Variants in PRKCE observed in about 807,000 individuals in gnomAD.
PRKCE encodes the protein protein kinase C epsilon type.
In PRKCE, 16 loss-of-function variants were observed where a neutral mutation model predicts 85.4. The ratio of observed to expected loss-of-function variants is 0.19; its 90% CI spans 0.13 to 0.28. The LOEUF is 0.28. PRKCE is among the 10% of genes least tolerant of loss of function. PRKCE has a pLI of 1.00. For missense variants in PRKCE, 573 were observed against 975.2 expected, an observed-to-expected ratio of 0.59 and a Z score of 5.49; for synonymous variants, 388 against 371.5, an observed-to-expected ratio of 1.04 and a Z score of -0.51.
intron 2 of PRKCE, among the ~76,000 whole-genome samples, chr2:45,944,174 G>A (rs1040686363): frequency 2.6e-4 from 40 of 152,202 alleles, no homozygotes; most frequent in African/African-American, 9.2e-4. Flanking sequence ...CTTCGTTGGT[G>A]ACTCATTTCT....
At chr2:45,740,627 C>G (rs1682479528) in intron 1 of PRKCE, among the ~76,000 whole-genome samples, 1 of 152,200 alleles carries the variant, frequency 6.6e-6, no homozygotes, top group Non-Finnish European at 1.5e-5. Context: ...TCAGTCTTTT[C>G]CATTCCAGTT....
chr2:45,912,318 G>A (rs1697441571), intron 2 of PRKCE, among the ~76,000 whole-genome samples: 1 of 152,168 alleles, frequency 6.6e-6, no homozygotes, highest in Non-Finnish European at 1.5e-5. Context: ...AGGGCCCCAG[G>A]ATCCACATCT....
At chr2:46,009,480 A>G (rs1351453066) in intron 9 of PRKCE, among the ~76,000 whole-genome samples, 3 of 152,260 alleles carry the variant, frequency 2.0e-5, no homozygotes, top group African/African-American at 7.2e-5. Flanking sequence ...GTAACATTTC[A>G]CACCTATTAA....
intron 1 of PRKCE, among the ~76,000 whole-genome samples, chr2:45,829,931 G>A (rs1245559953): frequency 2.0e-5 from 3 of 151,612 alleles, no homozygotes; most frequent in Non-Finnish European, 4.4e-5. Flanking sequence ...AAATTAGCCG[G>A]GCGTGGTAGC....
chr2:46,151,260 C>G, intron 13 of PRKCE, 31 bp downstream of exon 13: 1 of 1,538,812 alleles, frequency 6.5e-7, no homozygotes, highest in Non-Finnish European at 8.8e-7. Context: ...CATGGCTGTG[C>G]TCTCCTGGGC....
chr2:45,926,917 G>A (rs993962360), intron 2 of PRKCE, among the ~76,000 whole-genome samples: 2 of 152,184 alleles, frequency 1.3e-5, no homozygotes, highest in Admixed American at 6.5e-5. Flanking sequence ...ATGTGTGAGT[G>A]TGGATAGGAC....
At chr2:45,755,908 T>C (rs559082255) in intron 1 of PRKCE, among the ~76,000 whole-genome samples, 1 of 152,266 alleles carries the variant, frequency 6.6e-6, no homozygotes, top group Non-Finnish European at 1.5e-5. Flanking sequence ...TGGTTGGCAC[T>C]CGGAGAATTG....
intron 1 of PRKCE, among the ~76,000 whole-genome samples, chr2:45,753,586 T>C (rs901438082): frequency 1.2e-5 from 1 of 83,038 alleles, no homozygotes; most frequent in Non-Finnish European, 3.1e-5. Context: ...CCCAGGTTGT[T>C]TGAGTTGTTG....
chr2:46,130,215 A>G (rs567473205), intron 11 of PRKCE, among the ~76,000 whole-genome samples: 1 of 152,312 alleles, frequency 6.6e-6, no homozygotes, highest in South Asian at 2.1e-4. Flanking sequence ...CACAAAGTAT[A>G]ATCTAATAAG....
intron 2 of PRKCE, among the ~76,000 whole-genome samples, chr2:45,892,879 C>T (rs113265763): frequency 6.6e-6 from 1 of 152,178 alleles, no homozygotes; most frequent in Non-Finnish European, 1.5e-5. Flanking sequence ...CAGAAATGTG[C>T]AGCAGTCAGT....
intron 1 of PRKCE, among the ~76,000 whole-genome samples, chr2:45,731,666 C>T (rs1448639653): frequency 1.4e-5 from 2 of 145,556 alleles, no homozygotes; most frequent in Non-Finnish European, 3.0e-5. Flanking sequence ...CTCTGTTGCC[C>T]AGGAAGAAGT....
intron 2 of PRKCE, among the ~76,000 whole-genome samples, chr2:45,946,136 G>T (rs1700227110): frequency 6.6e-6 from 1 of 152,254 alleles, no homozygotes; most frequent in Non-Finnish European, 1.5e-5. Context: ...GCCAGAGTTT[G>T]CAGAACCACT....
In PRKCE at chr2:45,905,923, A is replaced by G. The variant is rs1291769884; in HGVS notation, c.412+62860A>G. 1.3e-5 allele frequency among the ~76,000 whole-genome samples: 2 copies of G among 152,150 alleles called. No individual in the cohort carries two copies. Among genetic ancestry groups the G allele is most frequent in the African/African-American group, 4.8e-5 (2 of 41,434 alleles). On this transcript the variant is annotated intron_variant, in intron 2 of 14. Coordinates refer to ENST00000306156, the MANE Select transcript of PRKCE (RefSeq NM_005400.3). The surrounding 1 kb of genome is among the most constrained non-coding windows in gnomAD (Gnocchi z 4.4). ...GAGGAAGGATGTGCTTGTGCGGGGT[A>G]TGGTGTCTGCCCACATGAAGGGCCG...
chr2:46,187,141 A>C lies in PRKCE; in HGVS notation c.*2260A>C, dbSNP rs1402606155. The stretch of plus-strand genomic sequence containing the variant: ...TACTGTTCTTTCTTCTGCTTTCTTC[A>C]CCATAATAAACTTTGGACAACCAAG... On this transcript the variant is annotated 3_prime_UTR_variant, in exon 15 of 15. Transcript: ENST00000306156. 6.6e-6 allele frequency: 1 copy of C among 152,670 alleles called. No homozygotes were observed. Among genetic ancestry groups the C allele is most frequent in the Non-Finnish European group, 1.5e-5 (1 of 68,004 alleles). 9.5% of individuals were successfully genotyped at this position (152,670 alleles called of 1,614,324 possible).
intron 2 of PRKCE, among the ~76,000 whole-genome samples, chr2:45,943,061 T>C (rs1184947641): frequency 1.3e-5 from 2 of 152,224 alleles, no homozygotes; most frequent in South Asian, 4.1e-4. Flanking sequence ...TTTTATGGCA[T>C]TTTGTAAATT....
chr2:46,007,529 G>A lies in PRKCE; in HGVS notation c.1131G>A (p.Arg377=), dbSNP rs377108874. Residue 377 remains arginine (R), a synonymous_variant, in exon 9 of 15, where the codon CGG becomes CGA. Transcript: ENST00000306156. ...LSFDNRGEEH[R]AASSPDGQLM... is the part of the protein sequence containing the mutation. Reference sequence around the variant, plus strand: ...TTGACAACCGAGGAGAGGAGCACCGGGCAGCATCGTCTCCTGATGGCCAGC... The same window carrying A: ...TTGACAACCGAGGAGAGGAGCACCGAGCAGCATCGTCTCCTGATGGCCAGC... 1.3e-6 allele frequency: 2 copies of A among 1,599,688 alleles called. No individual in the cohort carries two copies. The highest frequency in any genetic ancestry group is 2.7e-5 in the African/African-American group (2 of 74,942).
chr2:45,750,611 G>A (rs1452959743), intron 1 of PRKCE, among the ~76,000 whole-genome samples: 1 of 152,218 alleles, frequency 6.6e-6, no homozygotes, highest in Non-Finnish European at 1.5e-5. Flanking sequence ...GTGAAATGAT[G>A]TCAACTTCCT....
chr2:45,957,605 C>G (rs1701056471), intron 2 of PRKCE, among the ~76,000 whole-genome samples: 1 of 152,164 alleles, frequency 6.6e-6, no homozygotes, highest in African/African-American at 2.4e-5. Flanking sequence ...ATAATGAGGT[C>G]TAGATAGTTC....
Position 45,652,585 on chromosome 2 carries a change from G to A in PRKCE, c.348+137G>A. 1.2e-6 allele frequency: 1 copy of A among 838,800 alleles called. No individual in the cohort carries two copies. Among genetic ancestry groups the A allele is most frequent in the East Asian group, 2.7e-5 (1 of 37,502 alleles). The allele number at this position is 838,800 out of a possible 1,614,324, so 52.0% of individuals were successfully genotyped here. A position where few individuals can be genotyped will look rare whatever the true frequency, so the allele number is the denominator to read the frequency against. ...TGCCTGTAAGTCTCAGTTTCCTTGG[G>A]GAGGTACACTTCACTTCATAGTTGG... On this transcript the variant is annotated intron_variant, in intron 1 of 14. Transcript: ENST00000306156. The surrounding 1 kb of genome is among the most constrained non-coding windows in gnomAD (Gnocchi z 7.7).
Sources: allele counts gnomAD v4.1 joint callset (sites outside exome capture counted in the v4.1 genomes callset), GRCh38; gene constraint gnomAD v4.1.1; non-coding constraint Gnocchi (gnomAD v3.1); transcripts MANE v1.5; gene names NCBI Gene and HGNC (gene_info 2026-07-23, HGNC 2026-07-21).